The following DCAF4 variants were observed in gnomAD, a reference collection of about 807,000 sequenced individuals.
DCAF4 encodes the protein DDB1- and CUL4-associated factor 4.
A neutral mutation model predicts 60.9 loss-of-function variants in DCAF4; 37 were observed. That is an observed-to-expected ratio of 0.61 (90% CI 0.47 to 0.80). The LOEUF (loss-of-function observed/expected upper bound fraction) is 0.80. Among genes scored for constraint, DCAF4 ranks in the 30% least tolerant of loss-of-function variants. The pLI is 0.00. For missense variants in DCAF4, 577 were observed against 650.0 expected, an observed-to-expected ratio of 0.89 and a Z score of 1.22; for synonymous variants, 243 against 254.8, an observed-to-expected ratio of 0.95 and a Z score of 0.44.
At chr14:72,931,263 C>CTTTTTTTTT (rs370127536) in intron 1 of DCAF4, among the ~76,000 whole-genome samples, 24 of 126,770 alleles carry the variant, frequency 1.9e-4, no homozygotes, top group South Asian at 4.9e-4. Flanking sequence ...TACTTTTTCT[C>CTTTTTTTTT]TTTTTTTTTT....
At chr14:72,947,533 G>A (rs1190275733) in intron 8 of DCAF4, among the ~76,000 whole-genome samples, 1 of 152,228 alleles carries the variant, frequency 6.6e-6, no homozygotes. Context: ...CCACTGTGGC[G>A]TGTGACGGGA....
At chr14:72,937,851 A>G in intron 1 of DCAF4, 120 bp from the exon 2 acceptor site, 1 of 1,385,276 alleles carries the variant, frequency 7.2e-7, no homozygotes, top group Non-Finnish European at 9.3e-7. Context: ...AAATCTGATG[A>G]TAACCCAGGG....
At chr14:72,928,944 G>C (rs1234801724) in intron 1 of DCAF4, among the ~76,000 whole-genome samples, 1 of 150,312 alleles carries the variant, frequency 6.7e-6, no homozygotes, top group Non-Finnish European at 1.5e-5. Flanking sequence ...GCTAAGGCTG[G>C]ACCGACCCCC....
At chr14:72,946,770 G>A (rs960170068) in intron 7 of DCAF4, among the ~76,000 whole-genome samples, 3 of 152,210 alleles carry the variant, frequency 2.0e-5, no homozygotes, top group East Asian at 1.9e-4. Flanking sequence ...GGCGGCATCC[G>A]TGAGAAGCTG....
intron 4 of DCAF4, 102 bp from the exon 5 acceptor site, chr14:72,941,643 G>A (rs747991917): frequency 8.6e-5 from 93 of 1,082,676 alleles, no homozygotes; most frequent in Non-Finnish European, 1.2e-4. Flanking sequence ...CCAATTTAGT[G>A]CCTGTTTCCT....
At chr14:72,940,811 G>C (rs940028298) in intron 4 of DCAF4, among the ~76,000 whole-genome samples, 3 of 151,294 alleles carry the variant, frequency 2.0e-5, no homozygotes, top group Admixed American at 2.0e-4. Context: ...GGTTGGTCTT[G>C]AACTCCTGAC....
intron 11 of DCAF4, among the ~76,000 whole-genome samples, chr14:72,955,110 C>CAAA (rs1191603255): frequency 1.5e-5 from 2 of 129,494 alleles, no homozygotes. Flanking sequence ...GACTCTGTCT[C>CAAA]AAAAAAAAAA....
At chr14:72,941,611 A>AT (rs3832968) in intron 4 of DCAF4, 134 bp from the exon 5 acceptor site, 170,373 of 785,284 alleles carry the variant, frequency 0.22, 22,133 homozygotes, top group East Asian at 0.46. Flanking sequence ...ACACCGTCAG[A>AT]TTTTTATGCA....
downstream of DCAF4, chr14:72,960,631 G>C: frequency 1.9e-6 from 2 of 1,061,774 alleles, no homozygotes; most frequent in Non-Finnish European, 2.3e-6. Flanking sequence ...TGGCTGGATA[G>C]TAGAATGCAT....
intron 3 of DCAF4, 142 bp downstream of exon 3, chr14:72,940,044 C>A: frequency 8.6e-7 from 1 of 1,161,384 alleles, no homozygotes; most frequent in Non-Finnish European, 1.2e-6. Flanking sequence ...GGTCATGAGG[C>A]AAACCGCCTC....
chr14:72,934,187 C>A (rs1888955363), intron 1 of DCAF4, among the ~76,000 whole-genome samples: 1 of 149,648 alleles, frequency 6.7e-6, no homozygotes, highest in African/African-American at 2.5e-5. Context: ...GAGTCTCGCT[C>A]TGTTGCTCAA....
At chr14:72,940,435 C>T in intron 4 of DCAF4, 58 bp downstream of exon 4, 1 of 1,540,448 alleles carries the variant, frequency 6.5e-7, no homozygotes, top group African/African-American at 1.4e-5. Flanking sequence ...ACCTGTCCAT[C>T]CACTGTTGAA....
chr14:72,942,626 GGCAGCCGTATCCTGGGGCTCTTCCCA>G (rs1006579662), intron 5 of DCAF4: 35 of 100,494 alleles, frequency 3.5e-4, no homozygotes, highest in African/African-American at 4.9e-4. Context: ...GGCTCTTCCC[GGCAGCCGTATCCTGGGGCTCTTCCCA>G]GCAGCGGAGT....
chr14:72,941,808 G>A lies in DCAF4; in HGVS notation c.415G>A (p.Val139Ile), dbSNP rs201937947. ...AAAAAGCCAGCTGGGTTTTCTCAAC[G>A]TCACCAATTACTGCCAGTAAGACAA... ...LRKSQLGFLN[V>I]TNYCHLAHEL... Residue 139 changes from valine (V) to isoleucine (I), a missense_variant, in exon 5 of 14, where the codon GTC becomes ATC. By Grantham distance (29) the Val-to-Ile change is conservative. Coordinates refer to ENST00000358377, the MANE Select transcript of DCAF4 (RefSeq NM_015604.4). 5.1e-5 allele frequency: 82 copies of A among 1,613,924 alleles called. 1 individual carries two copies. Among genetic ancestry groups the A allele is most frequent in the African/African-American group, 1.6e-4 (12 of 74,898 alleles).
chr14:72,926,735 C>A (rs1046282430), intron 1 of DCAF4, 192 bp downstream of exon 1: 1 of 152,328 alleles, frequency 6.6e-6, no homozygotes, highest in African/African-American at 2.4e-5. Context: ...GCGCGCTCCG[C>A]CCGTTCTGGG....
chr14:72,935,415 C>T (rs1342937360), intron 1 of DCAF4, among the ~76,000 whole-genome samples: 1 of 152,212 alleles, frequency 6.6e-6, no homozygotes, highest in Non-Finnish European at 1.5e-5. Context: ...CCACCACACC[C>T]AGTGAACTGT....
intron 8 of DCAF4, 113 bp from the exon 9 acceptor site, chr14:72,951,685 T>C (rs778729072): frequency 1.0e-5 from 9 of 883,460 alleles, no homozygotes; most frequent in Non-Finnish European, 1.7e-5. Context: ...ATCTGGACGG[T>C]GGGGGTTACT....
At chr14:72,952,992 CT>C (rs34917327) in intron 9 of DCAF4, among the ~76,000 whole-genome samples, 586 of 41,572 alleles carry the variant, frequency 0.014, 1 homozygote, top group Non-Finnish European at 0.021. Context: ...AATGCCCGGC[CT>C]TTTTTTTTTT....
downstream of DCAF4, chr14:72,962,091 G>A (rs1483527772): frequency 4.5e-6 from 4 of 885,200 alleles, no homozygotes; most frequent in African/African-American, 5.4e-5. Flanking sequence ...AAAAATTTGT[G>A]TCTCCAAGTG....
Sources: gnomAD v4.1 joint callset for allele counts (sites outside exome capture counted in the v4.1 genomes callset) on GRCh38, gnomAD v4.1.1 for gene constraint, MANE v1.5 for transcripts, NCBI Gene and HGNC (gene_info 2026-07-23, HGNC 2026-07-21) for gene names.